APOLD1: variants seen among roughly 807,000 people sequenced by gnomAD.
APOLD1 encodes apolipoprotein L domain-containing protein 1.
Under a neutral mutation model 15.3 loss-of-function variants are expected in APOLD1, and 22 were observed. The observed-to-expected ratio is 1.44, with a 90% CI of 1.03 to 2.05. APOLD1 has a LOEUF of 2.05. Ranked by LOEUF, APOLD1 falls within the 30% of genes most tolerant of loss-of-function variation. The pLI is 0.00. For synonymous variants in APOLD1, 190 were observed against 167.4 expected, an observed-to-expected ratio of 1.13 and a Z score of -1.04; for missense variants, 394 against 353.5, an observed-to-expected ratio of 1.11 and a Z score of -0.92.
At chr12:12,726,240 C>G in intron 1 of APOLD1, 1 of 736,470 alleles carries the variant, frequency 1.4e-6, no homozygotes, top group South Asian at 1.7e-5. Flanking sequence ...CATAATTCAG[C>G]CAGTCGGTGT....
At chr12:12,781,717 C>T (rs574068244), upstream of APOLD1, among the ~76,000 whole-genome samples, 7 of 150,938 alleles carry the variant, frequency 4.6e-5, no homozygotes, top group South Asian at 8.4e-4. Context: ...TTGGTAGAGA[C>T]GGGGTTTCAC....
At chr12:12,760,193 C>T (rs962669490) in intron 1 of APOLD1, among the ~76,000 whole-genome samples, 4 of 151,776 alleles carry the variant, frequency 2.6e-5, no homozygotes, top group Admixed American at 6.6e-5. Flanking sequence ...AAAAATTAAC[C>T]ACCACACCCA....
At chr12:12,774,374 G>A (rs145518128) in intron 1 of APOLD1, among the ~76,000 whole-genome samples, 3,479 of 151,290 alleles carry the variant, frequency 0.023, 127 homozygotes, top group African/African-American at 0.08. Context: ...GTGAAACCCC[G>A]TCTCTACCAA....
chr12:12,779,534 T>C (rs1947063660), intron 1 of APOLD1, among the ~76,000 whole-genome samples: 1 of 152,176 alleles, frequency 6.6e-6, no homozygotes, highest in South Asian at 2.1e-4. Flanking sequence ...TAGCACTATA[T>C]AACAAAAACG....
At chr12:12,777,923 T>TTTTTTTTTTTTTTTTTTGTTG (rs1555092183) in intron 1 of APOLD1, among the ~76,000 whole-genome samples, 1 of 121,572 alleles carries the variant, frequency 8.2e-6, no homozygotes, top group Non-Finnish European at 1.7e-5. Context: ...TTTTTTTTTT[T>TTTTTTTTTTTTTTTTTTGTTG]TTGTTGTTGT....
At chr12:12,773,098 A>G (rs1297269106) in intron 1 of APOLD1, among the ~76,000 whole-genome samples, 2 of 152,132 alleles carry the variant, frequency 1.3e-5, no homozygotes, top group African/African-American at 2.4e-5. Context: ...AAAAAAAATT[A>G]TATGAAAAAC....
At chr12:12,782,277 A>T (rs1369111480), upstream of APOLD1, among the ~76,000 whole-genome samples, 1 of 151,798 alleles carries the variant, frequency 6.6e-6, no homozygotes, top group Non-Finnish European at 1.5e-5. Flanking sequence ...AAACAAACAA[A>T]CAAACAAACA....
intron 1 of APOLD1, among the ~76,000 whole-genome samples, chr12:12,776,525 A>G (rs1384782701): frequency 6.6e-6 from 1 of 152,264 alleles, no homozygotes; most frequent in Non-Finnish European, 1.5e-5. Context: ...AATAGGGCCC[A>G]TGGGGCAAAC....
rs572775569 is a variant in APOLD1, at chr12:12,740,223, C to T, written c.96+14127C>T. Among the ~76,000 whole-genome samples, 14 of 152,196 alleles carry T rather than the reference C, an allele frequency of 9.2e-5. No homozygotes were observed. The East Asian group carries it at 1.5e-3, about 17-fold the overall frequency. On this transcript the variant is annotated intron_variant, in intron 1 of 1. Coordinates refer to the APOLD1 transcript ENST00000326765. ...GTCTTGATCTCCTGACCTCGTGATC[C>T]GCCTGCCTCAGCCTCCCAAAGTGCT...
intron 1 of APOLD1, among the ~76,000 whole-genome samples, chr12:12,760,866 A>C (rs1404445711): frequency 6.6e-6 from 1 of 152,232 alleles, no homozygotes; most frequent in African/African-American, 2.4e-5. Context: ...AGCACATTTT[A>C]AAACTTGGTA....
chr12:12,770,521 C>G (rs1424192253), intron 1 of APOLD1, among the ~76,000 whole-genome samples: 1 of 147,734 alleles, frequency 6.8e-6, no homozygotes, highest in Non-Finnish European at 1.5e-5. Flanking sequence ...TTGAGGATAT[C>G]TCAAGAGAAA....
chr12:12,740,439 C>T (rs1449418581), intron 1 of APOLD1, among the ~76,000 whole-genome samples: 4 of 152,144 alleles, frequency 2.6e-5, no homozygotes, highest in African/African-American at 9.7e-5. Context: ...TTTCTATGGA[C>T]ACCCTACTTT....
At chr12:12,760,406 A>G (rs1946889161) in intron 1 of APOLD1, among the ~76,000 whole-genome samples, 1 of 151,664 alleles carries the variant, frequency 6.6e-6, no homozygotes, top group Admixed American at 6.6e-5. Context: ...GGGAGGCCGA[A>G]GTGGGCAGAT....
chr12:12,730,577 A>G (rs1167140050), intron 1 of APOLD1, among the ~76,000 whole-genome samples: 1 of 148,400 alleles, frequency 6.7e-6, no homozygotes, highest in Non-Finnish European at 1.5e-5. Context: ...GCTACTGGAG[A>G]GGCTGAGGCA....
chr12:12,730,629 T>G (rs937171137), intron 1 of APOLD1, among the ~76,000 whole-genome samples: 1 of 137,720 alleles, frequency 7.3e-6, no homozygotes, highest in African/African-American at 2.8e-5. Flanking sequence ...TGCAGTGAGC[T>G]GAGATCATGC....
At chr12:12,782,609 G>A (rs1947090032), upstream of APOLD1, among the ~76,000 whole-genome samples, 2 of 152,178 alleles carry the variant, frequency 1.3e-5, no homozygotes, top group Admixed American at 6.5e-5. Flanking sequence ...CAAGGCTGCG[G>A]TGAGGCGTGA....
intron 1 of APOLD1, among the ~76,000 whole-genome samples, chr12:12,744,886 C>T (rs1348595285): frequency 1.3e-5 from 2 of 152,138 alleles, no homozygotes; most frequent in South Asian, 2.1e-4. Flanking sequence ...GATCACAGAA[C>T]AAGATCCCTG....
At chr12:12,749,638 G>A (rs1457076361) in intron 1 of APOLD1, among the ~76,000 whole-genome samples, 4 of 152,088 alleles carry the variant, frequency 2.6e-5, no homozygotes, top group African/African-American at 7.2e-5. Flanking sequence ...GTGGCTTTCC[G>A]CCACCAATCA....
At chr12:12,771,533 C>T in intron 1 of APOLD1, 1 of 519,898 alleles carries the variant, frequency 1.9e-6, no homozygotes, top group Non-Finnish European at 3.8e-6. Context: ...TTTGTCCATC[C>T]AATTCATTCC....
Sources: gnomAD v4.1 joint callset for allele counts (sites outside exome capture counted in the v4.1 genomes callset) on GRCh38, gnomAD v4.1.1 for gene constraint, MANE v1.5 for transcripts, NCBI Gene and HGNC (gene_info 2026-07-23, HGNC 2026-07-21) for gene names.